Variants in TEX10 observed in about 807,000 individuals in gnomAD.
TEX10 encodes the protein testis-expressed protein 10.
A neutral mutation model predicts 104.4 loss-of-function variants in TEX10; 24 were observed. The ratio of observed to expected loss-of-function variants is 0.23; its 90% CI spans 0.17 to 0.32. The LOEUF (loss-of-function observed/expected upper bound fraction) is 0.32, where lower values mean the gene tolerates loss of function less well. TEX10 is among the 10% of genes least tolerant of loss of function. The probability of loss-of-function intolerance (pLI) is 1.00; values close to 1 mark genes in which losing one functional copy is unlikely to be tolerated. For missense variants in TEX10, 921 were observed against 1,083.9 expected (o/e 0.85, Z 2.11); for synonymous variants, 396 against 393.4 (o/e 1.01, Z -0.08).
intron 13 of TEX10, 92 bp downstream of exon 13, chr9:100,308,408 T>A: frequency 3.5e-6 from 4 of 1,131,970 alleles, no homozygotes; most frequent in Non-Finnish European, 4.8e-6. Context: ...GGTATCTGTA[T>A]AACCTAATTA....
intron 10 of TEX10, 114 bp downstream of exon 10, chr9:100,321,569 A>C (rs1203290084): frequency 2.5e-6 from 2 of 786,456 alleles, no homozygotes; most frequent in Non-Finnish European, 4.1e-6. Context: ...TCCAAGATAG[A>C]ATATTTATCA....
chr9:100,322,694 C>A (rs1307282659), intron 9 of TEX10, among the ~76,000 whole-genome samples: 1 of 152,094 alleles, frequency 6.6e-6, no homozygotes, highest in Non-Finnish European at 1.5e-5. Flanking sequence ...CAGCTCACTG[C>A]AACCTCCACC....
At chr9:100,340,400 A>C (rs764410208) in intron 4 of TEX10, 31 bp from the exon 5 acceptor site, 1 of 1,344,382 alleles carries the variant, frequency 7.4e-7, no homozygotes. Flanking sequence ...AGAAAAATCT[A>C]CAAGAAAAAA....
intron 14 of TEX10, among the ~76,000 whole-genome samples, chr9:100,302,936 C>CG (rs146141732): frequency 0.13 from 19,602 of 149,978 alleles, 1,387 homozygotes; most frequent in Non-Finnish European, 0.15. Flanking sequence ...CCGCCCCCCC[C>CG]CCAAACTAAA....
At chr9:100,336,122 G>C (rs1471955899) in intron 5 of TEX10, among the ~76,000 whole-genome samples, 1 of 152,056 alleles carries the variant, frequency 6.6e-6, no homozygotes, top group Non-Finnish European at 1.5e-5. Flanking sequence ...AGCTGAGATA[G>C]TGCCACTGCA....
At chr9:100,352,337 G>C in intron 1 of TEX10, 3 of 1,549,720 alleles carry the variant, frequency 1.9e-6, no homozygotes, top group Non-Finnish European at 2.6e-6. Flanking sequence ...CTCCCGCCTG[G>C]GCGACCAGAG....
intron 13 of TEX10, chr9:100,307,231 G>A (rs1190367844): frequency 6.6e-6 from 1 of 152,162 alleles, no homozygotes. Context: ...AGCAGACTGA[G>A]CAAACTATGG....
chr9:100,346,010 AT>A, intron 4 of TEX10, 61 bp downstream of exon 4: 1 of 1,528,444 alleles, frequency 6.5e-7, no homozygotes, highest in Non-Finnish European at 8.8e-7. Flanking sequence ...CTGATTTCGA[AT>A]CTTGCCATTT....
At chr9:100,332,538 C>G (rs1035816944) in intron 5 of TEX10, among the ~76,000 whole-genome samples, 1 of 152,116 alleles carries the variant, frequency 6.6e-6, no homozygotes, top group Non-Finnish European at 1.5e-5. Flanking sequence ...TTGCTCAAAA[C>G]AGGCCGGGCG....
At chr9:100,325,991 A>C (rs1834696592) in intron 9 of TEX10, among the ~76,000 whole-genome samples, 1 of 152,200 alleles carries the variant, frequency 6.6e-6, no homozygotes, top group Non-Finnish European at 1.5e-5. Context: ...AAAGGTCTAT[A>C]CTGCAATTCC....
At chr9:100,310,206 T>C (rs1834239017) in intron 12 of TEX10, 93 bp downstream of exon 12, 2 of 994,294 alleles carry the variant, frequency 2.0e-6, no homozygotes. Context: ...ATCTTAGAAT[T>C]CCAGACATGC....
intron 5 of TEX10, among the ~76,000 whole-genome samples, chr9:100,339,274 A>AAAAAAATATAT (rs1835101688): frequency 1.1e-5 from 1 of 91,702 alleles, no homozygotes; most frequent in African/African-American, 4.6e-5. Context: ...AAAAAAAAAA[A>AAAAAAATATAT]GTATATATAT....
At chr9:100,342,365 C>G (rs1191929559) in intron 4 of TEX10, among the ~76,000 whole-genome samples, 1 of 152,170 alleles carries the variant, frequency 6.6e-6, no homozygotes, top group African/African-American at 2.4e-5. Flanking sequence ...AAGGTACATA[C>G]CATGAGGGCA....
chr9:100,343,801 T>C (rs1286478597), intron 4 of TEX10, among the ~76,000 whole-genome samples: 1 of 152,144 alleles, frequency 6.6e-6, no homozygotes, highest in South Asian at 2.1e-4. Context: ...ATTCAGCTTG[T>C]GGTGTGTGAT....
chr9:100,331,800 C>G (rs554786054), intron 5 of TEX10, among the ~76,000 whole-genome samples: 29 of 152,290 alleles, frequency 1.9e-4, no homozygotes, highest in African/African-American at 7.0e-4. Flanking sequence ...AGAAGCAGCA[C>G]TCCAGACAAG....
intron 12 of TEX10, among the ~76,000 whole-genome samples, chr9:100,309,721 G>A (rs578165766): frequency 2.0e-5 from 3 of 152,184 alleles, no homozygotes; most frequent in Non-Finnish European, 4.4e-5. Context: ...GCCCTGCTTT[G>A]TACTATAACA....
In TEX10 at chr9:100,302,233, A is replaced by C; in HGVS notation, c.2748T>G (p.Thr916=). 1 of 1,613,250 alleles carries C rather than the reference A, an allele frequency of 6.2e-7. No individual in the cohort carries two copies. Among genetic ancestry groups the C allele is most frequent in the Non-Finnish European group, 8.5e-7 (1 of 1,179,476 alleles). ...GTGCACTGGGCCCTTGGGGATGCCC[A>C]GTGATATACACGTTGAAGCAGTAAT... ...DLHYCFNVYI[T]GHPQGPSALA... The change falls in exon 15 of 15, where the codon ACT becomes ACG. Residue 916 remains threonine (T), a synonymous_variant. Transcript: ENST00000374902.
chr9:100,302,269 G>A lies in TEX10; in HGVS notation c.2712C>T (p.Leu904=), dbSNP rs377185856. The A allele has an allele frequency of 6.2e-7, 1 of 1,613,780 alleles. No individual in the cohort carries two copies. Among genetic ancestry groups the A allele is most frequent in the South Asian group, 1.1e-5 (1 of 91,016 alleles). The stretch of plus-strand genomic sequence containing the variant: ...CGTTGAAGCAGTAATGTAAGTCTGT[G>A]AGCCACTGTTCCTGAACACTTCCAC... The part of the protein sequence containing the change: ...LKSGSVQEQW[L]TDLHYCFNVY... Residue 904 remains leucine, a synonymous_variant, in exon 15 of 15, where the codon CTC becomes CTT. Coordinates refer to ENST00000374902, the MANE Select transcript of TEX10 (RefSeq NM_017746.4).
In TEX10 at chr9:100,321,699, T is replaced by C. The variant is rs190558679; in HGVS notation, c.2052A>G (p.Leu684=). 3.2e-5 allele frequency: 51 copies of C among 1,612,108 alleles called. No homozygotes were observed. In the African/African-American group the frequency reaches 5.7e-4, roughly 18 times the overall value. Residue 684 remains leucine, a synonymous_variant, in exon 10 of 15, where the codon TTA becomes TTG. Coordinates refer to ENST00000374902, the MANE Select transcript of TEX10 (RefSeq NM_017746.4). ...LMSDVDYFSF[L]FSTLTGFSKE... is the part of the protein sequence containing the mutation. ...TGTGGTTACCTGTAAGTGTGGAAAA[T>C]AAGAAGCTGAAATAGTCTACATCAC...
Sources: allele counts gnomAD v4.1 joint callset (sites outside exome capture counted in the v4.1 genomes callset), GRCh38; gene constraint gnomAD v4.1.1; transcripts MANE v1.5; gene names NCBI Gene and HGNC (gene_info 2026-07-23, HGNC 2026-07-21).